HSD17B12: variants seen among roughly 807,000 people sequenced by gnomAD.
HSD17B12 encodes hydroxysteroid 17-beta dehydrogenase 12.
Under a neutral mutation model 39.3 loss-of-function variants are expected in HSD17B12, and 32 were observed. The observed-to-expected ratio is 0.81, with a 90% CI of 0.61 to 1.09. The LOEUF (loss-of-function observed/expected upper bound fraction) is 1.09, where lower values mean the gene tolerates loss of function less well. Among genes scored for constraint, HSD17B12 ranks in the 50% least tolerant of loss-of-function variants. The probability of loss-of-function intolerance (pLI) is 0.00; values close to 1 mark genes in which losing one functional copy is unlikely to be tolerated. For missense variants in HSD17B12, 342 were observed against 382.9 expected, an observed-to-expected ratio of 0.89 and a Z score of 0.89; for synonymous variants, 150 against 146.7, an observed-to-expected ratio of 1.02 and a Z score of -0.16.
At position 43,856,244 on chromosome 11, in the gene HSD17B12, C is replaced by T. The variant is rs1001770246; in HGVS notation, c.*996C>T. On this transcript the variant is annotated 3_prime_UTR_variant, in exon 11 of 11. Transcript: ENST00000278353. ...GTGATTGAAATTAAGGCCGTATTTA[C>T]AATGACTTAATATAAGACTGACTTT... 5.9e-5 allele frequency: 9 copies of T among 152,312 alleles called. No homozygotes were observed. The highest frequency in any genetic ancestry group is 1.9e-4 in the African/African-American group (8 of 41,574). The allele number at this position is 152,312 out of a possible 1,614,324, so 9.4% of individuals were successfully genotyped here.
chr11:43,780,029 T>G (rs1950748965), intron 3 of HSD17B12, among the ~76,000 whole-genome samples: 1 of 152,208 alleles, frequency 6.6e-6, no homozygotes, highest in Non-Finnish European at 1.5e-5. Context: ...GTCTCTGAGA[T>G]TTCATGGGAA....
At chr11:43,567,654 G>A in the HSD17B12 span, among the ~76,000 whole-genome samples, 1 of 152,184 alleles carries the variant, frequency 6.6e-6, no homozygotes, top group Non-Finnish European at 1.5e-5. Flanking sequence ...AAGCATCCGA[G>A]CATCCTGGCA....
At chr11:43,609,271 C>A in the HSD17B12 span, among the ~76,000 whole-genome samples, 1 of 150,510 alleles carries the variant, frequency 6.6e-6, no homozygotes, top group African/African-American at 2.4e-5. Flanking sequence ...AGTGAAAAAT[C>A]TTTATACAGG....
At chr11:43,770,868 A>G (rs1046605926) in intron 3 of HSD17B12, among the ~76,000 whole-genome samples, 4 of 152,252 alleles carry the variant, frequency 2.6e-5, no homozygotes, top group African/African-American at 7.2e-5. Flanking sequence ...AGAACATTTT[A>G]GTAATAGGAT....
At chr11:43,692,969 C>T (rs1949876423) in intron 1 of HSD17B12, among the ~76,000 whole-genome samples, 1 of 152,086 alleles carries the variant, frequency 6.6e-6, no homozygotes, top group Non-Finnish European at 1.5e-5. Flanking sequence ...CAAGTTTAGT[C>T]AGCCATTTTG....
chr11:43,800,727 C>G (rs1318041011), intron 4 of HSD17B12, among the ~76,000 whole-genome samples: 2 of 152,114 alleles, frequency 1.3e-5, no homozygotes, highest in Non-Finnish European at 2.9e-5. Flanking sequence ...CACTAATGAA[C>G]CATTGTTTTG....
the HSD17B12 span, among the ~76,000 whole-genome samples, chr11:43,580,758 T>G: frequency 6.6e-6 from 1 of 151,880 alleles, no homozygotes; most frequent in Non-Finnish European, 1.5e-5. Context: ...CATGTTCCAG[T>G]CTAGGTTTTG....
rs147962977 is a variant in HSD17B12, at chr11:43,706,689, GGTGT to G, written c.160+25731_160+25734del. 2.5e-3 allele frequency among the ~76,000 whole-genome samples: 340 copies of G among 137,866 alleles called. 3 individuals are homozygous for G. Among genetic ancestry groups the G allele is most frequent in the Middle Eastern group, 0.011 (3 of 280 alleles). The allele number at this position is 137,866 out of a possible 152,430, so 90.4% of individuals were successfully genotyped here. A position where few individuals can be genotyped will look rare whatever the true frequency, so the allele number is the denominator to read the frequency against. ...TCAAGCTTTGCTCTGTGAATGAAGGGGTGTGTGTGTGTGTGTGTGTGTGTGTGTG... is the reference window on the plus strand; with the variant it reads ...TCAAGCTTTGCTCTGTGAATGAAGGGGTGTGTGTGTGTGTGTGTGTGTGTG... On this transcript the variant is annotated intron_variant, in intron 1 of 10. Coordinates refer to ENST00000278353, the MANE Select transcript of HSD17B12 (RefSeq NM_016142.3).
intron 6 of HSD17B12, among the ~76,000 whole-genome samples, chr11:43,823,353 G>A (rs188497186): frequency 7.9e-4 from 120 of 152,074 alleles, no homozygotes; most frequent in African/African-American, 2.7e-3. Context: ...TCACTGTAAC[G>A]TCAAACTACT....
chr11:43,800,645 A>G (rs1340202858), intron 4 of HSD17B12, among the ~76,000 whole-genome samples: 19 of 152,156 alleles, frequency 1.2e-4, no homozygotes, highest in Non-Finnish European at 8.8e-5. Flanking sequence ...CATTTCTAGA[A>G]TCCTAGCACT....
chr11:43,777,615 T>C (rs976441565), intron 3 of HSD17B12, among the ~76,000 whole-genome samples: 2 of 152,200 alleles, frequency 1.3e-5, no homozygotes, highest in East Asian at 1.9e-4. Context: ...TCCTGCCTAA[T>C]TGCCCTGGCC....
chr11:43,751,759 T>C (rs1032098034), intron 2 of HSD17B12, among the ~76,000 whole-genome samples: 7 of 152,346 alleles, frequency 4.6e-5, no homozygotes, highest in African/African-American at 1.7e-4. Flanking sequence ...TTTAATTTAC[T>C]TTACTATTAT....
chr11:43,685,090 A>C (rs1949786064), intron 1 of HSD17B12, among the ~76,000 whole-genome samples: 1 of 152,220 alleles, frequency 6.6e-6, no homozygotes, highest in African/African-American at 2.4e-5. Context: ...GATTTCACAA[A>C]AAAAGTCTTC....
intron 1 of HSD17B12, among the ~76,000 whole-genome samples, chr11:43,709,749 G>C (rs990172844): frequency 2.0e-5 from 3 of 152,150 alleles, no homozygotes; most frequent in African/African-American, 7.2e-5. Context: ...AAATCATTCA[G>C]AAAACTATGA....
At chr11:43,672,772 C>T in the HSD17B12 span, among the ~76,000 whole-genome samples, 66 of 152,076 alleles carry the variant, frequency 4.3e-4, no homozygotes, top group Non-Finnish European at 5.1e-4. Flanking sequence ...AACTCCTGAC[C>T]TCAGGTGATC....
At chr11:43,746,336 C>A (rs888374006) in intron 1 of HSD17B12, among the ~76,000 whole-genome samples, 2 of 152,126 alleles carry the variant, frequency 1.3e-5, no homozygotes, top group East Asian at 1.9e-4. Flanking sequence ...TTCTTTATAT[C>A]CTTATTCCAT....
At chr11:43,581,235 T>C in the HSD17B12 span, among the ~76,000 whole-genome samples, 1 of 151,282 alleles carries the variant, frequency 6.6e-6, no homozygotes, top group Admixed American at 6.6e-5. This position sits in a 1 kb window ranked among gnomAD's most constrained non-coding sequence, Gnocchi z 4.9. Flanking sequence ...TCTGGAGAAA[T>C]GGAGACACGA....
intron 6 of HSD17B12, 22 bp downstream of exon 6, chr11:43,816,413 A>G (rs1024504337): frequency 2.0e-6 from 3 of 1,510,552 alleles, no homozygotes; most frequent in African/African-American, 2.8e-5. Flanking sequence ...TGTTATAAAG[A>G]TGTCATCCTT....
chr11:43,601,235 T>C, the HSD17B12 span, among the ~76,000 whole-genome samples: 1 of 152,152 alleles, frequency 6.6e-6, no homozygotes, highest in Admixed American at 6.5e-5. Context: ...ATTTTCTTGC[T>C]AAAGGCACAT....
Sources: gnomAD v4.1 joint callset for allele counts (sites outside exome capture counted in the v4.1 genomes callset) on GRCh38, gnomAD v4.1.1 for gene constraint, Gnocchi (gnomAD v3.1) non-coding constraint, MANE v1.5 for transcripts, NCBI Gene and HGNC (gene_info 2026-07-23, HGNC 2026-07-21) for gene names.